The following STK3 variants were observed in gnomAD, a reference collection of about 807,000 sequenced individuals.
STK3 encodes the protein serine/threonine-protein kinase 3.
A neutral mutation model predicts 58.0 loss-of-function variants in STK3; 41 were observed. That is an observed-to-expected ratio of 0.71 (90% CI 0.55 to 0.92). The LOEUF is 0.92. STK3 is among the 40% of genes least tolerant of loss of function. The probability of loss-of-function intolerance (pLI) is 0.00; values close to 1 mark genes in which losing one functional copy is unlikely to be tolerated. For missense variants in STK3, 479 were observed against 602.7 expected, an observed-to-expected ratio of 0.79 and a Z score of 2.15; for synonymous variants, 170 against 191.0, an observed-to-expected ratio of 0.89 and a Z score of 0.91.
chr8:98,600,888 C>T (rs919594311), intron 6 of STK3, among the ~76,000 whole-genome samples: 5 of 151,980 alleles, frequency 3.3e-5, no homozygotes, highest in Non-Finnish European at 7.4e-5. Flanking sequence ...ACTGCTTTCA[C>T]ATAAAAATGA....
At chr8:98,876,024 C>T (rs1837549271) in intron 3 of STK3, among the ~76,000 whole-genome samples, 1 of 152,174 alleles carries the variant, frequency 6.6e-6, no homozygotes, top group African/African-American at 2.4e-5. Context: ...TAGTGCCAAG[C>T]AGAGTCATAG....
intron 6 of STK3, among the ~76,000 whole-genome samples, chr8:98,617,150 T>G (rs1817811231): frequency 6.6e-6 from 1 of 151,868 alleles, no homozygotes; most frequent in Non-Finnish European, 1.5e-5. Context: ...AATTCAAGAT[T>G]AAGAATCTCA....
intron 1 of STK3, among the ~76,000 whole-genome samples, chr8:98,784,464 C>T (rs1209219770): frequency 6.6e-6 from 1 of 152,220 alleles, no homozygotes; most frequent in Non-Finnish European, 1.5e-5. Context: ...TGATTGGTTG[C>T]CACAGCCTGT....
intron 9 of STK3, among the ~76,000 whole-genome samples, chr8:98,542,117 A>T (rs747279750): frequency 6.6e-6 from 1 of 152,232 alleles, no homozygotes; most frequent in Non-Finnish European, 1.5e-5. Flanking sequence ...AAATAAGATA[A>T]CATATACAAA....
chr8:98,546,372 C>T (rs745513751), intron 9 of STK3, among the ~76,000 whole-genome samples: 18 of 151,984 alleles, frequency 1.2e-4, no homozygotes, highest in South Asian at 2.1e-4. Flanking sequence ...TCTATAAAGA[C>T]TCATTTTTCT....
intron 10 of STK3, among the ~76,000 whole-genome samples, chr8:98,524,925 G>T (rs1412450310): frequency 6.6e-6 from 1 of 152,188 alleles, no homozygotes; most frequent in East Asian, 1.9e-4. Flanking sequence ...TAAAATAGTT[G>T]TTATTTTAAG....
At position 98,587,144 on chromosome 8, in the gene STK3, T is replaced by G. The variant is rs1317786947; in HGVS notation, c.823-7355A>C. ...TTATTTCTTGCCTTCTGCTAGCTTT[T>G]GAATGTGTTTGCTCTGGCTTTTCTA... On this transcript the variant is annotated intron_variant, in intron 7 of 10. Coordinates refer to ENST00000419617, the MANE Select transcript of STK3 (RefSeq NM_006281.4). Among the ~76,000 whole-genome samples the G allele has an allele frequency of 3.3e-5, 5 of 152,280 alleles. No homozygotes were observed. The South Asian group carries it at 6.2e-4, about 19-fold the overall frequency.
intron 7 of STK3, among the ~76,000 whole-genome samples, chr8:98,587,464 A>C (rs1302847048): frequency 1.3e-5 from 2 of 152,078 alleles, no homozygotes; most frequent in Non-Finnish European, 2.9e-5. Context: ...TCTGAGAGAT[A>C]GTTTGTTATA....
chr8:98,924,899 C>T (rs1002791198), intron 1 of STK3, among the ~76,000 whole-genome samples: 2 of 152,128 alleles, frequency 1.3e-5, no homozygotes, highest in Non-Finnish European at 2.9e-5. Flanking sequence ...CCATAAAATG[C>T]CTCAGAATTG....
intron 4 of STK3, among the ~76,000 whole-genome samples, chr8:98,728,419 G>GA (rs924676130): frequency 6.6e-6 from 1 of 151,512 alleles, no homozygotes; most frequent in Non-Finnish European, 1.5e-5. Flanking sequence ...GTCTGGCAAG[G>GA]AAAAAAAAGA....
intron 1 of STK3, among the ~76,000 whole-genome samples, chr8:98,778,407 T>C (rs1210000817): frequency 4.0e-5 from 6 of 151,510 alleles, no homozygotes; most frequent in African/African-American, 1.2e-4. Flanking sequence ...TGTGGAGAAA[T>C]AGGAACACTT....
At chr8:98,695,731 G>T (rs1326345820) in intron 6 of STK3, among the ~76,000 whole-genome samples, 7 of 151,730 alleles carry the variant, frequency 4.6e-5, no homozygotes, top group Admixed American at 1.3e-4. Context: ...CCAGTACCAT[G>T]CTGTTTTGGT....
chr8:98,560,960 G>A (rs984089846), intron 8 of STK3, among the ~76,000 whole-genome samples: 9 of 152,078 alleles, frequency 5.9e-5, no homozygotes, highest in African/African-American at 2.2e-4. Flanking sequence ...TTGAGCCCAG[G>A]AGGTCAAGGC....
chr8:98,512,163 C>G (rs983814119), intron 10 of STK3, among the ~76,000 whole-genome samples: 4 of 151,946 alleles, frequency 2.6e-5, no homozygotes, highest in African/African-American at 7.2e-5. Context: ...GATGTTCCCC[C>G]TCCTGTGTCC....
the STK3 span, among the ~76,000 whole-genome samples, chr8:98,345,307 C>T: frequency 6.6e-6 from 1 of 152,016 alleles, no homozygotes; most frequent in South Asian, 2.1e-4. Flanking sequence ...CTTTAACCTG[C>T]CTTTCCCAAA....
At chr8:98,923,345 A>C (rs1839645613) in intron 1 of STK3, among the ~76,000 whole-genome samples, 1 of 152,222 alleles carries the variant, frequency 6.6e-6, no homozygotes. Flanking sequence ...AGAGTAATAA[A>C]ATTTCCATCA....
the STK3 span, among the ~76,000 whole-genome samples, chr8:98,355,443 C>T: frequency 1.3e-5 from 2 of 152,206 alleles, no homozygotes; most frequent in East Asian, 1.9e-4. Context: ...GTGATACTGG[C>T]TCTGCTTTAG....
the STK3 span, among the ~76,000 whole-genome samples, chr8:98,357,634 T>C: frequency 6.6e-6 from 1 of 152,258 alleles, no homozygotes; most frequent in Non-Finnish European, 1.5e-5. Context: ...CTAATTGTGA[T>C]AGGCACAACC....
In STK3 at chr8:98,848,928, T is replaced by C. The variant is rs1300495472; in HGVS notation, c.110+34719A>G. Among the ~76,000 whole-genome samples, 4 of 152,170 alleles carry C rather than the reference T, an allele frequency of 2.6e-5. 1 individual carries two copies. The South Asian group carries it at 6.2e-4, about 24-fold the overall frequency. ...CTGCTTGATGAAGGCTGTAATTTTC[T>C]TGAAATTATTAAAAGCAGCCAGGCA... On this transcript the variant is annotated intron_variant, in intron 3 of 12. Transcript: ENST00000523601.
Sources: allele counts gnomAD v4.1 joint callset (sites outside exome capture counted in the v4.1 genomes callset), GRCh38; gene constraint gnomAD v4.1.1; transcripts MANE v1.5; gene names NCBI Gene and HGNC (gene_info 2026-07-23, HGNC 2026-07-21).